The following CNTN1 variants were observed in gnomAD, a reference collection of about 807,000 sequenced individuals.
CNTN1 encodes the protein contactin-1.
In CNTN1, 38 loss-of-function variants were observed where a neutral mutation model predicts 126.4. The ratio of observed to expected loss-of-function variants is 0.30; its 90% CI spans 0.23 to 0.39. CNTN1 has a LOEUF of 0.39. CNTN1 is among the 10% of genes least tolerant of loss of function. The pLI is 1.00. For synonymous variants in CNTN1, 413 were observed against 422.6 expected, an observed-to-expected ratio of 0.98 and a Z score of 0.28; for missense variants, 1,009 against 1,248.4, an observed-to-expected ratio of 0.81 and a Z score of 2.89.
At chr12:40,887,937 T>C (rs1349931395) in intron 1 of CNTN1, among the ~76,000 whole-genome samples, 1 of 146,990 alleles carries the variant, frequency 6.8e-6, no homozygotes, top group African/African-American at 2.5e-5. Context: ...CACTGCATGT[T>C]CTCACTCATA....
intron 1 of CNTN1, among the ~76,000 whole-genome samples, chr12:40,904,166 C>G (rs993611574): frequency 2.0e-5 from 3 of 151,224 alleles, no homozygotes; most frequent in African/African-American, 7.3e-5. Context: ...CTACAGGCGC[C>G]TGCCACCACG....
At chr12:40,812,851 T>C (rs984854668) in intron 1 of CNTN1, among the ~76,000 whole-genome samples, 11 of 152,134 alleles carry the variant, frequency 7.2e-5, no homozygotes, top group African/African-American at 2.7e-4. Context: ...TTTAATCCAT[T>C]AAGCTACTCT....
chr12:40,808,013 C>T (rs1940921489), intron 1 of CNTN1, among the ~76,000 whole-genome samples: 1 of 152,072 alleles, frequency 6.6e-6, no homozygotes, highest in Admixed American at 6.6e-5. Flanking sequence ...GTATAACTGC[C>T]TTTGATAGTT....
At chr12:40,833,757 A>G (rs372649673) in intron 1 of CNTN1, among the ~76,000 whole-genome samples, 136 of 152,338 alleles carry the variant, frequency 8.9e-4, no homozygotes, top group African/African-American at 3.1e-3. Context: ...GTCAAGATAC[A>G]TAAGTCTAAA....
chr12:40,831,750 C>T (rs1177059111), intron 1 of CNTN1, among the ~76,000 whole-genome samples: 1 of 152,048 alleles, frequency 6.6e-6, no homozygotes, highest in African/African-American at 2.4e-5. Flanking sequence ...AATAAGGAAG[C>T]ATTTATTGAG....
At chr12:40,693,331 G>T (rs1941352391) in intron 1 of CNTN1, among the ~76,000 whole-genome samples, 1 of 152,196 alleles carries the variant, frequency 6.6e-6, no homozygotes, top group African/African-American at 2.4e-5. Flanking sequence ...TTTCTGAAAG[G>T]TGGATTTGGC....
intron 15 of CNTN1, among the ~76,000 whole-genome samples, chr12:40,973,473 T>C (rs1947582879): frequency 1.3e-5 from 2 of 152,138 alleles, no homozygotes; most frequent in South Asian, 4.1e-4. Context: ...GGATAAATTG[T>C]TCTGAAAAGT....
chr12:40,884,656 T>C (rs140101435), intron 1 of CNTN1, among the ~76,000 whole-genome samples: 3 of 151,686 alleles, frequency 2.0e-5, no homozygotes, highest in East Asian at 3.9e-4. Context: ...AAATAAAATA[T>C]ATATACAGCA....
intron 1 of CNTN1, among the ~76,000 whole-genome samples, chr12:40,872,588 T>TA (rs1234461090): frequency 1.4e-5 from 2 of 148,046 alleles, no homozygotes; most frequent in Non-Finnish European, 3.0e-5. Flanking sequence ...TTTTTTTTTT[T>TA]TTGAGATGGA....
At chr12:40,935,473 A>T (rs565762401) in intron 9 of CNTN1, among the ~76,000 whole-genome samples, 28 of 152,194 alleles carry the variant, frequency 1.8e-4, no homozygotes, top group African/African-American at 6.5e-4. Flanking sequence ...GCAGCATACT[A>T]AGTATTATCT....
At chr12:41,053,877 A>G (rs560146838) in intron 23 of CNTN1, among the ~76,000 whole-genome samples, 1 of 151,758 alleles carries the variant, frequency 6.6e-6, no homozygotes, top group African/African-American at 2.4e-5. Context: ...CCACTAAGGC[A>G]AAAGTCCCCA....
rs142792860 is a variant in CNTN1, at chr12:40,766,127, G to A, written c.-77+73535G>A. Among the ~76,000 whole-genome samples, 527 of 152,232 alleles carry A rather than the reference G, an allele frequency of 3.5e-3. 1 individual carries two copies. The highest frequency in any genetic ancestry group is 0.012 in the African/African-American group (493 of 41,538). On this transcript the variant is annotated intron_variant, in intron 1 of 23. Transcript: ENST00000551295. ...AGTCCCAGCACTTTGGGAGGCCGAG[G>A]CCCGCAGATCACTTGAGGTCAAGGG...
At chr12:40,740,636 C>A (rs1302511278) in intron 1 of CNTN1, among the ~76,000 whole-genome samples, 1 of 152,060 alleles carries the variant, frequency 6.6e-6, no homozygotes, top group Non-Finnish European at 1.5e-5. Flanking sequence ...TTCCTCTTGT[C>A]CCCTCCTGAT....
intron 1 of CNTN1, among the ~76,000 whole-genome samples, chr12:40,842,914 A>C (rs780797617): frequency 1.3e-5 from 2 of 152,088 alleles, no homozygotes; most frequent in Non-Finnish European, 2.9e-5. Flanking sequence ...AATGACGAAA[A>C]TGTGTCTCAA....
In CNTN1 at chr12:41,033,369, T is replaced by G. The variant is rs113680107; in HGVS notation, c.2980+4150T>G. ...ATTTTCAATATTAATTTCCATAAGCTAATTTGGATTACTACATATTTTCTA... is the reference window on the plus strand; with the variant it reads ...ATTTTCAATATTAATTTCCATAAGCGAATTTGGATTACTACATATTTTCTA... On this transcript the variant is annotated intron_variant, in intron 23 of 23. Transcript: ENST00000551295. Among the ~76,000 whole-genome samples, 784 of 152,354 alleles carry G rather than the reference T, an allele frequency of 5.1e-3. 6 individuals carry two copies. Among genetic ancestry groups the G allele is most frequent in the African/African-American group, 0.018 (744 of 41,594 alleles).
intron 1 of CNTN1, among the ~76,000 whole-genome samples, chr12:40,808,807 C>T (rs116129384): frequency 1.6e-3 from 247 of 152,130 alleles, no homozygotes; most frequent in African/African-American, 5.7e-3. Context: ...CAAGGTTAGC[C>T]AATAAAAACA....
intron 18 of CNTN1, 133 bp from the exon 19 acceptor site, chr12:41,016,549 G>T: frequency 1.5e-6 from 1 of 680,502 alleles, no homozygotes. Flanking sequence ...CTGACATTTG[G>T]AACCAGCACT....
chr12:40,893,449 C>T (rs1371034139), intron 1 of CNTN1, among the ~76,000 whole-genome samples: 8 of 152,030 alleles, frequency 5.3e-5, no homozygotes. Flanking sequence ...GAAACTGCAG[C>T]TATTGTAGTG....
At chr12:41,050,762 T>A (rs540771835) in intron 23 of CNTN1, among the ~76,000 whole-genome samples, 1 of 152,326 alleles carries the variant, frequency 6.6e-6, no homozygotes, top group African/African-American at 2.4e-5. Context: ...TGCCACCCAA[T>A]TATAACCGGA....
Sources: allele counts gnomAD v4.1 joint callset (sites outside exome capture counted in the v4.1 genomes callset), GRCh38; gene constraint gnomAD v4.1.1; transcripts MANE v1.5; gene names NCBI Gene and HGNC (gene_info 2026-07-23, HGNC 2026-07-21).